Variants in KIF5C observed in about 807,000 individuals in gnomAD.
The protein encoded by KIF5C is kinesin heavy chain isoform 5C.
KIF5C carries 18 observed loss-of-function variants against 125.2 expected under a neutral mutation model. That is an observed-to-expected ratio of 0.14 (90% CI 0.10 to 0.21). The LOEUF is 0.21. Ranked by LOEUF, KIF5C falls within the 10% of genes least tolerant of loss-of-function variation. KIF5C has a pLI of 1.00. For missense variants in KIF5C, 780 were observed against 1,183.8 expected, an observed-to-expected ratio of 0.66 and a Z score of 5.01; for synonymous variants, 405 against 434.0, an observed-to-expected ratio of 0.93 and a Z score of 0.83.
chr2:149,013,688 A>G lies in KIF5C; in HGVS notation c.*7+2005A>G, dbSNP rs146811453. Among the ~76,000 whole-genome samples the G allele has an allele frequency of 1.8e-4, 27 of 152,278 alleles. No individual in the cohort carries two copies. In the East Asian group the frequency reaches 4.8e-3, roughly 27 times the overall value. On this transcript the variant is annotated intron_variant, in intron 25 of 25. Coordinates refer to ENST00000435030, the MANE Select transcript of KIF5C (RefSeq NM_004522.3). ...GTGTGTTTCCCAGCAAGGCCTTACT[A>G]AATATACTGGTCCAGGGATTCTGGG...
intron 16 of KIF5C, among the ~76,000 whole-genome samples, chr2:148,992,292 G>C (rs930785372): frequency 2.6e-5 from 4 of 152,228 alleles, no homozygotes; most frequent in Non-Finnish European, 2.9e-5. Context: ...ATACATTGTT[G>C]ATAAAAGTAT....
At chr2:148,905,498 C>G (rs1054013036) in intron 1 of KIF5C, among the ~76,000 whole-genome samples, 4 of 152,046 alleles carry the variant, frequency 2.6e-5, no homozygotes, top group African/African-American at 9.7e-5. Flanking sequence ...TCCCATTTAG[C>G]AAAAAGACTG....
chr2:148,894,953 ACC>A (rs1681800657), intron 1 of KIF5C, among the ~76,000 whole-genome samples: 2 of 150,638 alleles, frequency 1.3e-5, no homozygotes, highest in African/African-American at 4.9e-5. Flanking sequence ...TTATTCTAAC[ACC>A]TTACTTTTAT....
chr2:148,914,254 C>G (rs971365529), intron 1 of KIF5C, among the ~76,000 whole-genome samples: 1 of 152,180 alleles, frequency 6.6e-6, no homozygotes, highest in African/African-American at 2.4e-5. Context: ...GGCGAAAGAG[C>G]TTGGGGGTGG....
rs147197216 is a variant in KIF5C at position 148,948,412 on chromosome 2, T to G, written c.714+1389T>G. On this transcript the variant is annotated intron_variant, in intron 8 of 25. Coordinates refer to ENST00000435030, the MANE Select transcript of KIF5C (RefSeq NM_004522.3). ...GCTTGTAACTTTAGTTAAACAGACG[T>G]ACAACAGATGGAAATAATGGAGGAT... Among the ~76,000 whole-genome samples, 18 of 151,762 alleles carry G rather than the reference T, an allele frequency of 1.2e-4. 1 individual carries two copies. The East Asian group carries it at 3.3e-3, about 28-fold the overall frequency.
intron 11 of KIF5C, among the ~76,000 whole-genome samples, chr2:148,972,614 A>T (rs1680948069): frequency 6.6e-6 from 1 of 152,240 alleles, no homozygotes; most frequent in Non-Finnish European, 1.5e-5. Flanking sequence ...GCTACTCTGC[A>T]AACTGAGAAG....
In KIF5C at chr2:148,981,300, A is replaced by T. The variant is rs549723086; in HGVS notation, c.1363-55A>T. The T allele has an allele frequency of 2.0e-6, 3 of 1,525,068 alleles. No homozygotes were observed. In the East Asian group the frequency reaches 7.1e-5, roughly 36 times the overall value. The allele number at this position is 1,525,068 out of a possible 1,614,324, so 94.5% of individuals were successfully genotyped here. On this transcript the variant is annotated intron_variant, in intron 13 of 25. Transcript: ENST00000435030. The stretch of plus-strand genomic sequence containing the variant: ...TTACTTACTTTTGGATACAGCATAG[A>T]ACATAAACATTTGAACATTAGATTC...
chr2:149,022,611 A>G (rs1403051037), intron 25 of KIF5C, among the ~76,000 whole-genome samples: 1 of 152,206 alleles, frequency 6.6e-6, no homozygotes, highest in East Asian at 1.9e-4. Context: ...TAATGTAGCC[A>G]CTAGAGAATT....
At chr2:148,978,776 C>T (rs941598368) in intron 12 of KIF5C, 146 bp from the exon 13 acceptor site, 45 of 1,143,882 alleles carry the variant, frequency 3.9e-5, no homozygotes, top group African/African-American at 2.6e-4. Flanking sequence ...AATGAGATCT[C>T]GGAATCTGTC....
At position 148,978,938 on chromosome 2, in the gene KIF5C, A is replaced by C; in HGVS notation, c.1310A>C (p.Gln437Pro). The change falls in exon 13 of 26, where the codon CAG (glutamine) becomes CCG (proline). Residue 437 changes from glutamine (Q) to proline (P), a missense_variant. Physicochemically the swap from Gln to Pro is moderately conservative, Grantham distance 76. This residue lies in a region of KIF5C where 573 missense variants were observed against 742.6 expected (regional missense o/e 0.77). Transcript: ENST00000435030. The stretch of plus-strand genomic sequence containing the variant: ...TCGTTTCAGGATGATGAAATTAACC[A>C]GCAGAGCCAGCTGGCTGAAAAGCTG... ...QLDDKDDEIN[Q>P]QSQLAEKLKQ... is the part of the protein sequence containing the mutation. 1 of 1,599,740 alleles carries C rather than the reference A, an allele frequency of 6.3e-7. No individual in the cohort carries two copies. The highest frequency in any genetic ancestry group is 8.5e-7 in the Non-Finnish European group (1 of 1,173,302).
Position 148,930,715 on chromosome 2 carries a change from T to A in KIF5C, c.291+1361T>A, listed in dbSNP as rs563667869. ...CTCATTTCTGCGGTGTTGACTCTCT[T>A]TCACCTGTTTTGCTGAAGACAAAGT... On this transcript the variant is annotated intron_variant, in intron 3 of 25. Transcript: ENST00000435030. 2.6e-5 allele frequency among the ~76,000 whole-genome samples: 4 copies of A among 152,292 alleles called. No individual in the cohort carries two copies. In the East Asian group the frequency reaches 7.7e-4, roughly 29 times the overall value.
At chr2:148,999,725 G>C (rs1240877350) in intron 19 of KIF5C, among the ~76,000 whole-genome samples, 3 of 152,248 alleles carry the variant, frequency 2.0e-5, no homozygotes, top group Non-Finnish European at 4.4e-5. Context: ...AGTGAGTTAG[G>C]TGGAGGGGGA....
chr2:149,010,350 C>G lies in KIF5C; in HGVS notation c.2766C>G (p.Ile922Met). 1 of 1,572,898 alleles carries G rather than the reference C, an allele frequency of 6.4e-7. No individual in the cohort carries two copies. The highest frequency in any genetic ancestry group is 1.2e-5 in the South Asian group (1 of 84,802). ...CCAGAAGGGCCCATTCAGCCCAGAT[C>G]GGTACGTGCGTGCACAGTGGCGCCC... is the stretch of plus-strand genomic sequence containing the variant. Reference protein sequence around the residue: ...NMARRAHSAQIAKPIRPGHYP... With the variant: ...NMARRAHSAQMAKPIRPGHYP... Residue 922 changes from isoleucine (I) to methionine (M), a missense_variant and splice_region_variant, in exon 24 of 26, where the codon ATC becomes ATG. Coordinates refer to ENST00000435030, the MANE Select transcript of KIF5C (RefSeq NM_004522.3).
At chr2:148,947,328 A>G (rs1278614157) in intron 8 of KIF5C, 5 of 301,840 alleles carry the variant, frequency 1.7e-5, no homozygotes, top group Non-Finnish European at 3.0e-5. Flanking sequence ...AGCTGCACAC[A>G]TGTGGGAGGG....
intron 1 of KIF5C, among the ~76,000 whole-genome samples, chr2:148,913,450 T>C (rs1681421571): frequency 6.6e-6 from 1 of 152,200 alleles, no homozygotes; most frequent in Non-Finnish European, 1.5e-5. Flanking sequence ...CATGGGATAA[T>C]TATAATTATG....
At chr2:148,931,684 T>C (rs1682189434) in intron 3 of KIF5C, among the ~76,000 whole-genome samples, 1 of 152,000 alleles carries the variant, frequency 6.6e-6, no homozygotes, top group Non-Finnish European at 1.5e-5. Context: ...TAATAATAAA[T>C]AATAAAATTA....
intron 1 of KIF5C, among the ~76,000 whole-genome samples, chr2:148,906,532 C>T (rs977003992): frequency 6.6e-6 from 1 of 151,864 alleles, no homozygotes; most frequent in African/African-American, 2.4e-5. Flanking sequence ...CCAGCCTGGG[C>T]AACATAGTGA....
intron 14 of KIF5C, among the ~76,000 whole-genome samples, chr2:148,983,310 T>A (rs1409551799): frequency 2.6e-5 from 4 of 152,234 alleles, no homozygotes; most frequent in Admixed American, 2.6e-4. Context: ...ATCTGGTAAG[T>A]AGGAAGATGC....
intron 7 of KIF5C, among the ~76,000 whole-genome samples, chr2:148,945,624 CT>C (rs1336971642): frequency 2.0e-5 from 3 of 152,034 alleles, no homozygotes; most frequent in Non-Finnish European, 4.4e-5. Flanking sequence ...TTCTTTAGTG[CT>C]AATTTGTGAG....
Sources: allele counts gnomAD v4.1 joint callset (sites outside exome capture counted in the v4.1 genomes callset), GRCh38; gene constraint gnomAD v4.1.1; regional missense constraint gnomAD v4.1.1; transcripts MANE v1.5; gene names NCBI Gene and HGNC (gene_info 2026-07-23, HGNC 2026-07-21).